Variants in CDH13 observed in about 807,000 individuals in gnomAD.
CDH13 encodes cadherin-13.
In CDH13, 24 loss-of-function variants were observed where a neutral mutation model predicts 63.8. The observed-to-expected ratio is 0.38, with a 90% CI of 0.27 to 0.53. CDH13 has a LOEUF of 0.53. Among genes scored for constraint, CDH13 ranks in the 20% least tolerant of loss-of-function variants. The pLI is 0.85. For synonymous variants in CDH13, 503 were observed against 355.3 expected (o/e 1.42, Z -4.67); for missense variants, 1,049 against 903.1 (o/e 1.16, Z -2.07).
intron 1 of CDH13, among the ~76,000 whole-genome samples, chr16:82,850,585 C>A (rs2039441757): frequency 6.6e-6 from 1 of 152,080 alleles, no homozygotes; most frequent in South Asian, 2.1e-4. Context: ...GAGAGGACTG[C>A]TTTCTATTTT....
intron 2 of CDH13, among the ~76,000 whole-genome samples, chr16:82,987,531 C>G (rs1035275884): frequency 1.3e-5 from 2 of 152,102 alleles, no homozygotes; most frequent in African/African-American, 2.4e-5. Context: ...CCCCTAAAAC[C>G]ACGCTCAGCT....
chr16:82,955,478 C>T (rs976040286), intron 2 of CDH13, among the ~76,000 whole-genome samples: 7 of 152,340 alleles, frequency 4.6e-5, no homozygotes, highest in Non-Finnish European at 8.8e-5. Flanking sequence ...GCCTGGTTAA[C>T]CCTACTGGGT....
At chr16:83,096,527 C>A (rs2034201960) in intron 3 of CDH13, among the ~76,000 whole-genome samples, 1 of 152,204 alleles carries the variant, frequency 6.6e-6, no homozygotes, top group Non-Finnish European at 1.5e-5. Flanking sequence ...GACCACATCT[C>A]CTGAGTATTT....
chr16:82,818,813 A>C (rs1295705232), intron 1 of CDH13, among the ~76,000 whole-genome samples: 2 of 152,182 alleles, frequency 1.3e-5, no homozygotes, highest in Non-Finnish European at 2.9e-5. Context: ...GCGTATTCAT[A>C]TGTCTGCATA....
rs1555525875 is a variant in CDH13 at position 82,627,380 on chromosome 16, G to GTA, written c.45+244_45+245dup. On this transcript the variant is annotated intron_variant, in intron 1 of 13. Transcript: ENST00000567109. ...TGTGTGTGTGTGTGTGTGTGTGTGT[G>GTA]TACGTTCGTTAACGGGAGGAGGAGA... 5.6e-5 allele frequency among the ~76,000 whole-genome samples: 8 copies of GTA among 142,520 alleles called. No homozygotes were observed. The East Asian group carries it at 1.8e-3, about 33-fold the overall frequency. The allele number at this position is 142,520 out of a possible 152,430, so 93.5% of individuals were successfully genotyped here. A position where few individuals can be genotyped will look rare whatever the true frequency, so the allele number is the denominator to read the frequency against.
At chr16:83,067,745 A>G (rs2032127548) in intron 3 of CDH13, among the ~76,000 whole-genome samples, 2 of 152,222 alleles carry the variant, frequency 1.3e-5, no homozygotes, top group African/African-American at 4.8e-5. Flanking sequence ...CATTTTAATG[A>G]AAAAGGAAAA....
At chr16:83,024,887 C>A (rs1339218422) in intron 2 of CDH13, among the ~76,000 whole-genome samples, 3 of 152,176 alleles carry the variant, frequency 2.0e-5, no homozygotes, top group Non-Finnish European at 2.9e-5. Flanking sequence ...TTCACCAAAA[C>A]AAGTGAAGGG....
At chr16:83,198,624 T>C (rs2038942492) in intron 4 of CDH13, among the ~76,000 whole-genome samples, 1 of 152,172 alleles carries the variant, frequency 6.6e-6, no homozygotes, top group African/African-American at 2.4e-5. Context: ...TTTCATCCTC[T>C]CCATCCCACT....
chr16:83,124,213 T>A (rs2035713708), intron 3 of CDH13, among the ~76,000 whole-genome samples: 2 of 152,164 alleles, frequency 1.3e-5, no homozygotes, highest in Admixed American at 1.3e-4. Context: ...GCCTGGCTAA[T>A]TTTTGTGTTT....
At chr16:83,400,774 T>G (rs1040889632) in intron 6 of CDH13, among the ~76,000 whole-genome samples, 2 of 152,156 alleles carry the variant, frequency 1.3e-5, no homozygotes, top group Non-Finnish European at 2.9e-5. Flanking sequence ...CTCTTTCCAT[T>G]TGGCCCAGTT....
At chr16:83,322,424 A>G (rs1028358094) in intron 5 of CDH13, among the ~76,000 whole-genome samples, 9 of 152,136 alleles carry the variant, frequency 5.9e-5, no homozygotes, top group Non-Finnish European at 1.0e-4. Context: ...GTTCTAGTGC[A>G]CTCACTCGGT....
At chr16:82,893,919 C>T (rs1356906238) in intron 2 of CDH13, among the ~76,000 whole-genome samples, 2 of 152,160 alleles carry the variant, frequency 1.3e-5, no homozygotes, top group African/African-American at 2.4e-5. Context: ...CTCCCAATAC[C>T]ACCACTTCAG....
intron 3 of CDH13, among the ~76,000 whole-genome samples, chr16:83,087,056 G>C (rs1160986847): frequency 6.6e-6 from 1 of 152,198 alleles, no homozygotes; most frequent in African/African-American, 2.4e-5. Flanking sequence ...CCACAAGTCA[G>C]CAGTTGCCAT....
chr16:83,346,883 A>G (rs894742508), intron 6 of CDH13, among the ~76,000 whole-genome samples: 9 of 152,184 alleles, frequency 5.9e-5, no homozygotes, highest in Admixed American at 1.3e-4. Context: ...CTCCAGCAAA[A>G]CATAAACCAC....
chr16:83,530,499 G>A (rs1161379120), intron 7 of CDH13, among the ~76,000 whole-genome samples: 1 of 152,210 alleles, frequency 6.6e-6, no homozygotes, highest in Non-Finnish European at 1.5e-5. Context: ...TGTCCTTGAG[G>A]ACAGATTTGG....
chr16:83,536,777 G>A (rs568096050), intron 7 of CDH13, among the ~76,000 whole-genome samples: 53 of 152,288 alleles, frequency 3.5e-4, no homozygotes, highest in African/African-American at 1.3e-3. Flanking sequence ...TGGTAGAGAT[G>A]GGGAGAAGGT....
At chr16:83,437,237 C>G (rs2072332825) in intron 6 of CDH13, among the ~76,000 whole-genome samples, 1 of 152,126 alleles carries the variant, frequency 6.6e-6, no homozygotes, top group African/African-American at 2.4e-5. Context: ...CTTGACCTCT[C>G]TGTGTCTCAG....
chr16:83,569,618 C>T (rs1416875381), intron 7 of CDH13, among the ~76,000 whole-genome samples: 1 of 152,182 alleles, frequency 6.6e-6, no homozygotes, highest in South Asian at 2.1e-4. Context: ...TTATCTTCTT[C>T]CCAAGATAAC....
intron 1 of CDH13, among the ~76,000 whole-genome samples, chr16:82,697,244 T>C (rs1039613168): frequency 1.3e-5 from 2 of 152,108 alleles, no homozygotes; most frequent in African/African-American, 4.8e-5. Context: ...GAAGGCGTTG[T>C]ATATTCATGA....
Sources: allele counts gnomAD v4.1 joint callset (sites outside exome capture counted in the v4.1 genomes callset), GRCh38; gene constraint gnomAD v4.1.1; transcripts MANE v1.5; gene names NCBI Gene and HGNC (gene_info 2026-07-23, HGNC 2026-07-21).